CDC20B: variants seen among roughly 807,000 people sequenced by gnomAD.
CDC20B encodes cell division cycle protein 20 homolog B.
A neutral mutation model predicts 64.1 loss-of-function variants in CDC20B; 58 were observed. The observed-to-expected ratio is 0.90, with a 90% CI of 0.73 to 1.13. The LOEUF is 1.13. Among genes scored for constraint, CDC20B ranks in the 50% most tolerant of loss-of-function variants. CDC20B has a pLI of 0.00. For missense variants in CDC20B, 597 were observed against 633.0 expected (o/e 0.94, Z 0.61); for synonymous variants, 243 against 230.6 (o/e 1.05, Z -0.49).
At chr5:55,156,791 T>A (rs1378245936) in intron 2 of CDC20B, among the ~76,000 whole-genome samples, 1 of 152,218 alleles carries the variant, frequency 6.6e-6, no homozygotes, top group African/African-American at 2.4e-5. Flanking sequence ...GGAGAATCAC[T>A]CAAACCCAAG....
chr5:55,154,025 G>A (rs979081286), intron 2 of CDC20B, among the ~76,000 whole-genome samples: 9 of 152,138 alleles, frequency 5.9e-5, no homozygotes, highest in African/African-American at 1.7e-4. Context: ...TCTCTGCACC[G>A]CTCAGAACAC....
intron 2 of CDC20B, 61 bp from the exon 3 acceptor site, chr5:55,146,917 C>A (rs952067702): frequency 1.7e-6 from 2 of 1,196,198 alleles, no homozygotes; most frequent in Admixed American, 1.9e-5. Flanking sequence ...AGTAAAAATT[C>A]CCTATAAGAG....
chr5:55,171,334 C>T (rs1463613836), intron 2 of CDC20B, among the ~76,000 whole-genome samples: 1 of 152,096 alleles, frequency 6.6e-6, no homozygotes, highest in Non-Finnish European at 1.5e-5. Context: ...TAAAAAGTTA[C>T]TTAACTATAG....
rs1345623920 is a variant in CDC20B, at chr5:55,146,667, C to T, written c.316G>A (p.Val106Met). ...TCTTTCTCAGGCGGTGTCTTCAGCA[C>T]TGATCCGGAAGCTTCTGGGAGGTAG... ...TTYLPEASGS[V>M]LKTPPEKETL... The change falls in exon 3 of 12, where the codon GTG (valine) becomes ATG (methionine). Residue 106 changes from valine (V) to methionine (M), a missense_variant. Physicochemically the swap from Val to Met is conservative, Grantham distance 21 (BLOSUM62 1). Transcript: ENST00000381375. The T allele has an allele frequency of 9.9e-6, 16 of 1,614,034 alleles. No homozygotes were observed. The highest frequency in any genetic ancestry group is 1.3e-5 in the African/African-American group (1 of 74,906).
chr5:55,118,097 C>T (rs1469509431), intron 11 of CDC20B, among the ~76,000 whole-genome samples: 1 of 151,660 alleles, frequency 6.6e-6, no homozygotes, highest in Non-Finnish European at 1.5e-5. Flanking sequence ...TCAGCCTAGG[C>T]AACAGAGTGA....
intron 9 of CDC20B, among the ~76,000 whole-genome samples, chr5:55,124,164 T>C (rs913656709): frequency 6.6e-6 from 1 of 152,208 alleles, no homozygotes. Flanking sequence ...ATTGATCTAA[T>C]TCCACAGCAC....
At chr5:55,119,314 G>A (rs1742699855) in intron 11 of CDC20B, among the ~76,000 whole-genome samples, 1 of 152,074 alleles carries the variant, frequency 6.6e-6, no homozygotes, top group African/African-American at 2.4e-5. Flanking sequence ...CCCCATCATG[G>A]GGTCTTTCTC....
intron 2 of CDC20B, chr5:55,170,635 C>T (rs776336592): frequency 1.3e-5 from 7 of 534,650 alleles, no homozygotes; most frequent in Non-Finnish European, 2.7e-5. Context: ...ATCCAGAGCA[C>T]TTCATTGACA....
chr5:55,150,920 G>GT (rs1452303371), intron 2 of CDC20B, among the ~76,000 whole-genome samples: 1 of 151,916 alleles, frequency 6.6e-6, no homozygotes, highest in East Asian at 1.9e-4. Context: ...TAATTTTTGT[G>GT]TTTTTTGGAG....
At chr5:55,121,673 A>T (rs1156472199) in intron 9 of CDC20B, among the ~76,000 whole-genome samples, 1 of 152,344 alleles carries the variant, frequency 6.6e-6, no homozygotes, top group South Asian at 2.1e-4. Flanking sequence ...ATAACTTTTT[A>T]CAGCACCAGC....
chr5:55,123,519 C>T (rs1742805021), intron 9 of CDC20B, among the ~76,000 whole-genome samples: 1 of 152,162 alleles, frequency 6.6e-6, no homozygotes, highest in African/African-American at 2.4e-5. Flanking sequence ...AAGTCTACTC[C>T]TGCTCCACCT....
intron 7 of CDC20B, 51 bp from the exon 8 acceptor site, chr5:55,127,402 A>G: frequency 6.8e-7 from 1 of 1,460,768 alleles, no homozygotes; most frequent in Non-Finnish European, 9.6e-7. Flanking sequence ...TTCACAGCCC[A>G]CTGTCTTCTC....
Position 55,139,592 on chromosome 5 carries a change from C to T in CDC20B, c.580+722G>A, listed in dbSNP as rs1258937679. ...TTTAATACTCAGCTAAACAATTATA[C>T]TAGAAAAGAAGCATAATTATATTAT... On this transcript the variant is annotated intron_variant, in intron 5 of 11. Transcript: ENST00000381375. Among the ~76,000 whole-genome samples the T allele has an allele frequency of 2.6e-5, 4 of 151,880 alleles. No homozygotes were observed. The East Asian group carries it at 5.8e-4, about 22-fold the overall frequency.
chr5:55,115,873 C>T (rs931312505), intron 11 of CDC20B, among the ~76,000 whole-genome samples: 6 of 152,146 alleles, frequency 3.9e-5, no homozygotes, highest in Admixed American at 1.3e-4. Flanking sequence ...CACGTGCATG[C>T]GCAAGCACAC....
At chr5:55,156,102 C>A (rs1160419046) in intron 2 of CDC20B, among the ~76,000 whole-genome samples, 1 of 152,174 alleles carries the variant, frequency 6.6e-6, no homozygotes, top group African/African-American at 2.4e-5. Flanking sequence ...GAATGAGGAG[C>A]AAAGGCATGT....
In CDC20B at chr5:55,114,563, T is replaced by C. The variant is rs927427004; in HGVS notation, c.1460-245A>G. ...AGTGTCCTGTGGCTGCCATAACAAA[T>C]TACCACCCATTGGGTGGCTTAAAAC... On this transcript the variant is annotated intron_variant, in intron 11 of 11. Transcript: ENST00000381375. The surrounding 1 kb of genome is among the most constrained non-coding windows in gnomAD (Gnocchi z 4.1). 6.6e-6 allele frequency among the ~76,000 whole-genome samples: 1 copy of C among 152,156 alleles called. No individual in the cohort carries two copies. Among genetic ancestry groups the C allele is most frequent in the Admixed American group, 6.5e-5 (1 of 15,284 alleles).
chr5:55,147,152 T>A (rs962075046), intron 2 of CDC20B, among the ~76,000 whole-genome samples: 13 of 143,516 alleles, frequency 9.1e-5, no homozygotes, highest in African/African-American at 3.3e-4. Context: ...TATATTTATA[T>A]ATTATATAAA....
intron 2 of CDC20B, chr5:55,160,917 A>G (rs990504380): frequency 4.0e-5 from 59 of 1,457,642 alleles, no homozygotes; most frequent in Non-Finnish European, 5.2e-5. Flanking sequence ...CAAATTGTTT[A>G]GGATTTTAAC....
At chr5:55,164,284 A>ATTT in intron 2 of CDC20B, 1 of 1,145,066 alleles carries the variant, frequency 8.7e-7, no homozygotes. Context: ...CATTTTAAAC[A>ATTT]TTTTTTTTTT....
Sources: allele counts gnomAD v4.1 joint callset (sites outside exome capture counted in the v4.1 genomes callset), GRCh38; gene constraint gnomAD v4.1.1; non-coding constraint Gnocchi (gnomAD v3.1); transcripts MANE v1.5; gene names NCBI Gene and HGNC (gene_info 2026-07-23, HGNC 2026-07-21).